The following TMEM30A variants were observed in gnomAD, a reference collection of about 807,000 sequenced individuals.
TMEM30A encodes the protein cell division cycle 50 P4-ATPase accessory subunit A.
TMEM30A carries 24 observed loss-of-function variants against 38.2 expected under a neutral mutation model. That is an observed-to-expected ratio of 0.63 (90% CI 0.46 to 0.88). TMEM30A has a LOEUF of 0.88. Among genes scored for constraint, TMEM30A ranks in the 40% least tolerant of loss-of-function variants. TMEM30A has a pLI of 0.00. For missense variants in TMEM30A, 370 were observed against 458.6 expected (o/e 0.81, Z 1.77); for synonymous variants, 145 against 161.6 (o/e 0.90, Z 0.78).
rs575856836 is a variant in TMEM30A, at chr6:75,259,201, G to A, written c.685+146C>T. ...TTTCCTTTAGAATTTTAGTACATTA[G>A]AACATTTACCTAACTTGGTATGAAG... On this transcript the variant is annotated intron_variant, in intron 5 of 6. Coordinates refer to ENST00000230461, the MANE Select transcript of TMEM30A (RefSeq NM_018247.4). 447 of 936,564 alleles carry A rather than the reference G, an allele frequency of 4.8e-4. 6 individuals carry two copies. In the South Asian group the frequency reaches 7.6e-3, roughly 16 times the overall value. The allele number at this position is 936,564 out of a possible 1,614,324, so 58.0% of individuals were successfully genotyped here. A position where few individuals can be genotyped will look rare whatever the true frequency, so the allele number is the denominator to read the frequency against.
intron 2 of TMEM30A, among the ~76,000 whole-genome samples, chr6:75,266,157 T>C (rs1419697665): frequency 6.6e-6 from 1 of 152,200 alleles, no homozygotes; most frequent in Non-Finnish European, 1.5e-5. Flanking sequence ...TAAGGTATTT[T>C]CTCCTTTCTG....
intron 1 of TMEM30A, chr6:75,272,904 G>T (rs1489106779): frequency 6.6e-6 from 1 of 152,182 alleles, no homozygotes; most frequent in Non-Finnish European, 1.5e-5. Flanking sequence ...CCAGTGTAAA[G>T]GTACAAGAGC....
chr6:75,278,661 T>C (rs1187642571), intron 1 of TMEM30A, among the ~76,000 whole-genome samples: 2 of 152,148 alleles, frequency 1.3e-5, no homozygotes, highest in South Asian at 2.1e-4. Flanking sequence ...TCCTAAGCCA[T>C]TTTACATGAG....
intron 1 of TMEM30A, among the ~76,000 whole-genome samples, chr6:75,280,099 C>CA (rs1371451102): frequency 6.6e-6 from 1 of 152,022 alleles, no homozygotes; most frequent in Non-Finnish European, 1.5e-5. Flanking sequence ...TTGTCTGTGA[C>CA]AAAGAAATGA....
rs1209810732 is a variant in TMEM30A, at chr6:75,255,579, C to G, written c.*523G>C. 3 of 152,568 alleles carry G rather than the reference C, an allele frequency of 2.0e-5. No homozygotes were observed. Among genetic ancestry groups the G allele is most frequent in the Admixed American group, 6.6e-5 (1 of 15,258 alleles). The allele number at this position is 152,568 out of a possible 1,614,324, so 9.5% of individuals were successfully genotyped here. On this transcript the variant is annotated 3_prime_UTR_variant, in exon 7 of 7. Coordinates refer to ENST00000230461, the MANE Select transcript of TMEM30A (RefSeq NM_018247.4). The stretch of plus-strand genomic sequence containing the variant: ...TACTGGATAAACTGGATACATGAAC[C>G]ACCTCAACAAAGATGGTACTTTAAG...
chr6:75,259,455 A>G lies in TMEM30A; in HGVS notation c.577T>C (p.Tyr193His). The G allele has an allele frequency of 6.2e-7, 1 of 1,608,136 alleles. No homozygotes were observed. Among genetic ancestry groups the G allele is most frequent in the Non-Finnish European group, 8.5e-7 (1 of 1,177,990 alleles). ...LELFLIGNDS[Y>H]PIPIALKKKG... ...TTTTTCAAAGCGATAGGTATAGGAT[A>G]AGAATCATTGCCAATGAGAAACAAT... Residue 193 changes from tyrosine (Y) to histidine (H), a missense_variant, in exon 5 of 7, where the codon TAT becomes CAT. Transcript: ENST00000230461.
chr6:75,267,566 T>C (rs1772090116), intron 2 of TMEM30A, 75 bp downstream of exon 2: 2 of 1,007,690 alleles, frequency 2.0e-6, no homozygotes, highest in Admixed American at 5.1e-5. Flanking sequence ...GAAAATACCT[T>C]GTAAAAGACA....
At chr6:75,277,909 A>T (rs1772288482) in intron 1 of TMEM30A, among the ~76,000 whole-genome samples, 1 of 152,194 alleles carries the variant, frequency 6.6e-6, no homozygotes, top group Non-Finnish European at 1.5e-5. Flanking sequence ...CTTGTTTCTA[A>T]AAAAGAAAAA....
At position 75,255,919 on chromosome 6, in the gene TMEM30A, A is replaced by G; in HGVS notation, c.*183T>C. On this transcript the variant is annotated 3_prime_UTR_variant, in exon 7 of 7. Transcript: ENST00000230461. ...TGATCAATATAGCTAATTTTTTTATACCCGTCATATATTTTTAGAAGTCAT... is the reference window on the plus strand; with the variant it reads ...TGATCAATATAGCTAATTTTTTTATGCCCGTCATATATTTTTAGAAGTCAT... 4 of 505,878 alleles carry G rather than the reference A, an allele frequency of 7.9e-6. No homozygotes were observed. Among genetic ancestry groups the G allele is most frequent in the Non-Finnish European group, 1.0e-5 (3 of 285,868 alleles). The allele number at this position is 505,878 out of a possible 1,614,324, so 31.3% of individuals were successfully genotyped here.
intron 1 of TMEM30A, among the ~76,000 whole-genome samples, chr6:75,273,870 G>A (rs1331878110): frequency 6.6e-6 from 1 of 152,180 alleles, no homozygotes; most frequent in South Asian, 2.1e-4. Context: ...TCAACAAACT[G>A]TGTTAAGATG....
intron 2 of TMEM30A, 41 bp downstream of exon 2, chr6:75,267,600 T>A (rs944648745): frequency 1.4e-5 from 21 of 1,459,118 alleles, no homozygotes; most frequent in Middle Eastern, 3.5e-4. Context: ...CAGTATTTTT[T>A]AAAGCATGGC....
chr6:75,270,700 C>T (rs1772151209), intron 1 of TMEM30A, among the ~76,000 whole-genome samples: 1 of 152,196 alleles, frequency 6.6e-6, no homozygotes. Context: ...CTGATTAAGA[C>T]ACCGTAGTAC....
At chr6:75,259,007 G>A in intron 5 of TMEM30A, 21 bp from the exon 6 acceptor site, 1 of 1,590,484 alleles carries the variant, frequency 6.3e-7, no homozygotes, top group South Asian at 1.1e-5. Context: ...GTGGGGAGGG[G>A]ATAAGGAGAC....
At position 75,255,967 on chromosome 6, in the gene TMEM30A, A is replaced by G; in HGVS notation, c.*135T>C. Reference sequence around the variant, plus strand: ...CATCCGTAGGGAAGAAGCAAACAACAAAGACTGCTTTTTTTTAGAAAAGTT... The same window carrying G: ...CATCCGTAGGGAAGAAGCAAACAACGAAGACTGCTTTTTTTTAGAAAAGTT... On this transcript the variant is annotated 3_prime_UTR_variant, in exon 7 of 7. Coordinates refer to ENST00000230461, the MANE Select transcript of TMEM30A (RefSeq NM_018247.4). 1 of 623,610 alleles carries G rather than the reference A, an allele frequency of 1.6e-6. No individual in the cohort carries two copies. Among genetic ancestry groups the G allele is most frequent in the Non-Finnish European group, 2.7e-6 (1 of 370,486 alleles). 38.6% of individuals were successfully genotyped at this position (623,610 alleles called of 1,614,324 possible).
At chr6:75,260,429 A>G (rs240384) in intron 4 of TMEM30A, among the ~76,000 whole-genome samples, 128,035 of 151,984 alleles carry the variant, frequency 0.84, 54,809 homozygotes, top group Non-Finnish European at 0.93. Flanking sequence ...GGAAAAAAAA[A>G]AAAAGACAGA....
At chr6:75,257,465 TGCTTCACA>T (rs1225233081) in intron 6 of TMEM30A, among the ~76,000 whole-genome samples, 1 of 152,188 alleles carries the variant, frequency 6.6e-6, no homozygotes, top group Admixed American at 6.5e-5. Context: ...AATTCCTCAG[TGCTTCACA>T]GACTTCCCTT....
At chr6:75,270,900 C>A (rs745305826) in intron 1 of TMEM30A, among the ~76,000 whole-genome samples, 2 of 152,144 alleles carry the variant, frequency 1.3e-5, no homozygotes, top group Non-Finnish European at 2.9e-5. Flanking sequence ...AGTCACATAA[C>A]TAAAACAAAC....
At chr6:75,263,112 A>T (rs1198958948) in intron 3 of TMEM30A, among the ~76,000 whole-genome samples, 1 of 152,214 alleles carries the variant, frequency 6.6e-6, no homozygotes, top group Non-Finnish European at 1.5e-5. Flanking sequence ...ACTCTGGAGG[A>T]GGTATCATTT....
At chr6:75,256,528 A>G (rs1356269415) in intron 6 of TMEM30A, among the ~76,000 whole-genome samples, 2 of 152,172 alleles carry the variant, frequency 1.3e-5, no homozygotes, top group African/African-American at 4.8e-5. Context: ...CAAAACAAAT[A>G]AATGTAAAGG....
Sources: gnomAD v4.1 joint callset for allele counts (sites outside exome capture counted in the v4.1 genomes callset) on GRCh38, gnomAD v4.1.1 for gene constraint, MANE v1.5 for transcripts, NCBI Gene and HGNC (gene_info 2026-07-23, HGNC 2026-07-21) for gene names.